The following TBCK variants were observed in gnomAD, a reference collection of about 807,000 sequenced individuals.
TBCK encodes TBC1 domain containing kinase.
Under a neutral mutation model 113.4 loss-of-function variants are expected in TBCK, and 99 were observed. That is an observed-to-expected ratio of 0.87 (90% CI 0.74 to 1.03). TBCK has a LOEUF of 1.03. Among genes scored for constraint, TBCK ranks in the 50% least tolerant of loss-of-function variants. The pLI is 0.00. For missense variants in TBCK, 1,045 were observed against 1,061.3 expected, an observed-to-expected ratio of 0.98 and a Z score of 0.21; for synonymous variants, 369 against 370.8, an observed-to-expected ratio of 1.00 and a Z score of 0.05.
intron 25 of TBCK, among the ~76,000 whole-genome samples, chr4:106,054,207 A>G (rs1301877812): frequency 1.4e-5 from 2 of 147,198 alleles, no homozygotes. Context: ...CAATTTCCCA[A>G]CTCCCCAACT....
chr4:106,257,815 C>T (rs1452204360), intron 5 of TBCK, among the ~76,000 whole-genome samples: 2 of 151,896 alleles, frequency 1.3e-5, no homozygotes, highest in Non-Finnish European at 1.5e-5. Context: ...AATATTACTG[C>T]CTACGTCACA....
intron 25 of TBCK, among the ~76,000 whole-genome samples, chr4:106,065,446 C>T (rs1007436070): frequency 1.3e-5 from 2 of 151,992 alleles, no homozygotes; most frequent in Non-Finnish European, 2.9e-5. Flanking sequence ...TGAGACTTTG[C>T]CGTGTTTTTC....
chr4:106,302,392 C>G (rs1186170098), intron 2 of TBCK, among the ~76,000 whole-genome samples: 2 of 152,096 alleles, frequency 1.3e-5, no homozygotes, highest in Non-Finnish European at 2.9e-5. Context: ...AGAAGGTTCA[C>G]AGGGAAAATA....
chr4:106,234,124 A>T, intron 15 of TBCK, among the ~76,000 whole-genome samples: 1 of 152,130 alleles, frequency 6.6e-6, no homozygotes, highest in East Asian at 1.9e-4. Flanking sequence ...AGCATGAAAA[A>T]AATATTATTA....
At chr4:106,075,455 G>A (rs141635173) in intron 25 of TBCK, among the ~76,000 whole-genome samples, 1 of 152,308 alleles carries the variant, frequency 6.6e-6, no homozygotes, top group African/African-American at 2.4e-5. Context: ...TATTTGGAAT[G>A]TGATGGCTCT....
intron 3 of TBCK, among the ~76,000 whole-genome samples, chr4:106,292,923 T>C (rs1765874543): frequency 6.6e-6 from 1 of 152,106 alleles, no homozygotes; most frequent in Non-Finnish European, 1.5e-5. Context: ...ATTATGGGGG[T>C]GGCAAGTGAA....
At chr4:106,058,327 T>G (rs866391185) in intron 25 of TBCK, among the ~76,000 whole-genome samples, 1 of 151,764 alleles carries the variant, frequency 6.6e-6, no homozygotes, top group Admixed American at 6.6e-5. Flanking sequence ...CATCCCTTCC[T>G]TTCTAAGCTT....
chr4:106,216,787 T>C (rs934743730), intron 19 of TBCK, among the ~76,000 whole-genome samples: 1 of 151,024 alleles, frequency 6.6e-6, no homozygotes, highest in Non-Finnish European at 1.5e-5. Flanking sequence ...CTACCAGAGG[T>C]ACAAGGAGGA....
intron 22 of TBCK, among the ~76,000 whole-genome samples, chr4:106,184,205 C>G (rs1752748680): frequency 6.6e-6 from 1 of 152,038 alleles, no homozygotes; most frequent in Admixed American, 6.6e-5. Flanking sequence ...AAGCATGTAT[C>G]TAAAACTTAA....
chr4:106,147,237 A>G (rs1407496801), intron 23 of TBCK, among the ~76,000 whole-genome samples: 1 of 152,148 alleles, frequency 6.6e-6, no homozygotes, highest in Non-Finnish European at 1.5e-5. Flanking sequence ...ATGAATCACA[A>G]CTGTTCTGAA....
At chr4:106,252,041 A>T in intron 5 of TBCK, 34 bp from the exon 6 acceptor site, 3 of 1,548,604 alleles carry the variant, frequency 1.9e-6, no homozygotes, top group Non-Finnish European at 2.6e-6. Context: ...GAAAAATTAC[A>T]ACAGGGAAAG....
At chr4:106,308,424 G>A (rs1471053900) in intron 2 of TBCK, among the ~76,000 whole-genome samples, 1 of 152,160 alleles carries the variant, frequency 6.6e-6, no homozygotes, top group Non-Finnish European at 1.5e-5. Context: ...AAGGATATGT[G>A]AATCAAAAAA....
intron 25 of TBCK, among the ~76,000 whole-genome samples, chr4:106,090,343 G>A (rs558864138): frequency 6.6e-6 from 1 of 152,278 alleles, no homozygotes; most frequent in Non-Finnish European, 1.5e-5. Context: ...AGGGAAGTGG[G>A]GTCCTGGGCC....
At chr4:106,173,699 T>G (rs1414589662) in intron 22 of TBCK, among the ~76,000 whole-genome samples, 1 of 152,124 alleles carries the variant, frequency 6.6e-6, no homozygotes. Flanking sequence ...AACAGATATC[T>G]CATTTTCCAT....
At chr4:106,139,166 A>G (rs951956323) in intron 23 of TBCK, among the ~76,000 whole-genome samples, 1 of 140,768 alleles carries the variant, frequency 7.1e-6, no homozygotes, top group African/African-American at 2.5e-5. Context: ...CTCACTAGAT[A>G]ACCAAAGGAT....
At chr4:106,152,381 C>T (rs1748601538) in intron 23 of TBCK, among the ~76,000 whole-genome samples, 1 of 151,930 alleles carries the variant, frequency 6.6e-6, no homozygotes, top group African/African-American at 2.4e-5. Context: ...TATGACATAA[C>T]ACATTAATTG....
At chr4:106,279,511 A>T (rs1025372216) in intron 3 of TBCK, among the ~76,000 whole-genome samples, 1 of 152,272 alleles carries the variant, frequency 6.6e-6, no homozygotes, top group Non-Finnish European at 1.5e-5. Flanking sequence ...ATTATTGTTG[A>T]CTATAGTCAC....
chr4:106,088,155 A>G (rs900731115), intron 25 of TBCK, among the ~76,000 whole-genome samples: 1 of 152,260 alleles, frequency 6.6e-6, no homozygotes, highest in African/African-American at 2.4e-5. Context: ...CTGTCATCAG[A>G]GTGAACAGGC....
At chr4:106,119,928 G>C (rs978259338) in intron 23 of TBCK, among the ~76,000 whole-genome samples, 1 of 152,148 alleles carries the variant, frequency 6.6e-6, no homozygotes, top group Non-Finnish European at 1.5e-5. Context: ...CTAATAAAGA[G>C]AGAAATGCAA....
Sources: gnomAD v4.1 joint callset for allele counts (sites outside exome capture counted in the v4.1 genomes callset) on GRCh38, gnomAD v4.1.1 for gene constraint, MANE v1.5 for transcripts, NCBI Gene and HGNC (gene_info 2026-07-23, HGNC 2026-07-21) for gene names.